Variants in DOCK3 observed in about 807,000 individuals in gnomAD.
DOCK3 encodes the protein dedicator of cytokinesis protein 3.
Under a neutral mutation model 265.6 loss-of-function variants are expected in DOCK3, and 60 were observed. The ratio of observed to expected loss-of-function variants is 0.23; its 90% CI spans 0.18 to 0.28. The LOEUF (loss-of-function observed/expected upper bound fraction) is 0.28. Among genes scored for constraint, DOCK3 ranks in the 10% least tolerant of loss-of-function variants. DOCK3 has a pLI of 1.00. For synonymous variants in DOCK3, 881 were observed against 938.0 expected (o/e 0.94, Z 1.11); for missense variants, 1,981 against 2,594.3 (o/e 0.76, Z 5.14).
chr3:51,229,454 A>C (rs1212715210), intron 18 of DOCK3, 58 bp from the exon 19 acceptor site: 4 of 1,358,990 alleles, frequency 2.9e-6, no homozygotes, highest in Non-Finnish European at 4.0e-6. Context: ...CCGTCTAAAA[A>C]AAAAAAAAAG....
At chr3:50,914,516 T>A (rs1291439935) in intron 4 of DOCK3, among the ~76,000 whole-genome samples, 4 of 152,064 alleles carry the variant, frequency 2.6e-5, no homozygotes, top group African/African-American at 9.7e-5. Context: ...AAAGTTTTTC[T>A]TGTTGTTGAT....
At chr3:50,899,765 G>A (rs62257814) in intron 4 of DOCK3, among the ~76,000 whole-genome samples, 5,821 of 152,152 alleles carry the variant, frequency 0.038, 154 homozygotes, top group Non-Finnish European at 0.06. Context: ...TGAAAATCTG[G>A]GTTGAAAATT....
At position 50,790,601 on chromosome 3, in the gene DOCK3, C is replaced by T. The variant is rs944461796; in HGVS notation, c.121+11843C>T. Among the ~76,000 whole-genome samples the T allele has an allele frequency of 1.5e-4, 22 of 151,240 alleles. 1 individual carries two copies. Among genetic ancestry groups the T allele is most frequent in the African/African-American group, 4.9e-4 (20 of 41,172 alleles). On this transcript the variant is annotated intron_variant, in intron 2 of 52. Coordinates refer to ENST00000266037, the MANE Select transcript of DOCK3 (RefSeq NM_004947.5). ...GCTTAGTTTTGCTAGATACAAAATT[C>T]ATGACTGATAATTGTTTTGTTTAAG...
At chr3:50,937,955 A>C (rs962424996) in intron 5 of DOCK3, among the ~76,000 whole-genome samples, 1 of 152,068 alleles carries the variant, frequency 6.6e-6, no homozygotes, top group African/African-American at 2.4e-5. Flanking sequence ...TTAAAAAAAA[A>C]CTATATGTTG....
At chr3:51,020,434 A>G (rs867128864) in intron 5 of DOCK3, among the ~76,000 whole-genome samples, 5 of 151,780 alleles carry the variant, frequency 3.3e-5, no homozygotes, top group Admixed American at 6.6e-5. Flanking sequence ...GTTTACTCTG[A>G]TGATAGTTCC....
intron 5 of DOCK3, among the ~76,000 whole-genome samples, chr3:51,058,907 A>G (rs917954412): frequency 6.6e-6 from 1 of 152,106 alleles, no homozygotes; most frequent in Non-Finnish European, 1.5e-5. Context: ...AATTACATAT[A>G]TATGTATGTA....
intron 2 of DOCK3, among the ~76,000 whole-genome samples, chr3:50,829,993 T>A (rs761254927): frequency 9.2e-5 from 14 of 152,350 alleles, no homozygotes; most frequent in Non-Finnish European, 1.6e-4. Flanking sequence ...ATGATTATTG[T>A]GTAAATTTTT....
intron 10 of DOCK3, among the ~76,000 whole-genome samples, chr3:51,153,546 G>T (rs977588152): frequency 1.7e-4 from 26 of 152,166 alleles, no homozygotes; most frequent in Non-Finnish European, 2.9e-4. Context: ...AGATGAACCA[G>T]GTACCTTAGT....
chr3:51,033,757 C>T (rs1047437179), intron 5 of DOCK3, among the ~76,000 whole-genome samples: 2 of 152,132 alleles, frequency 1.3e-5, no homozygotes, highest in African/African-American at 4.8e-5. Flanking sequence ...ATTTTTTCCT[C>T]ACAAATTGAT....
At chr3:51,052,118 A>G (rs2081015895) in intron 5 of DOCK3, among the ~76,000 whole-genome samples, 1 of 152,212 alleles carries the variant, frequency 6.6e-6, no homozygotes, top group Non-Finnish European at 1.5e-5. Context: ...AAGGATGAGT[A>G]GTAGGAAGGC....
intron 26 of DOCK3, among the ~76,000 whole-genome samples, chr3:51,279,209 G>A (rs1434416075): frequency 6.6e-6 from 1 of 152,174 alleles, no homozygotes; most frequent in South Asian, 2.1e-4. Flanking sequence ...CCAAGATCAT[G>A]CCATTGCGCT....
At chr3:51,174,188 C>G (rs1449331670) in intron 12 of DOCK3, among the ~76,000 whole-genome samples, 2 of 152,126 alleles carry the variant, frequency 1.3e-5, no homozygotes, top group Non-Finnish European at 2.9e-5. Context: ...GGCATGGTGG[C>G]TCACCCCTGT....
intron 5 of DOCK3, among the ~76,000 whole-genome samples, chr3:50,954,628 C>T (rs572143608): frequency 6.6e-6 from 1 of 152,158 alleles, no homozygotes; most frequent in East Asian, 1.9e-4. Flanking sequence ...TGTATATTTT[C>T]TTTGGAAAAA....
intron 9 of DOCK3, among the ~76,000 whole-genome samples, chr3:51,126,677 T>C (rs1038188743): frequency 6.6e-6 from 1 of 152,218 alleles, no homozygotes; most frequent in Non-Finnish European, 1.5e-5. Flanking sequence ...GATCCTGGGA[T>C]AAGAGCAGAA....
intron 5 of DOCK3, among the ~76,000 whole-genome samples, chr3:50,978,204 G>C (rs1314759469): frequency 6.7e-6 from 1 of 149,266 alleles, no homozygotes; most frequent in Non-Finnish European, 1.5e-5. Context: ...CGTTCCTTTG[G>C]AGGAGGAGAG....
intron 4 of DOCK3, among the ~76,000 whole-genome samples, chr3:50,907,335 C>G (rs2049575156): frequency 6.6e-6 from 1 of 151,984 alleles, no homozygotes. Context: ...GTTGATCTGT[C>G]TAATGTTGAC....
At chr3:51,256,210 C>G (rs1474987600) in intron 22 of DOCK3, among the ~76,000 whole-genome samples, 1 of 152,198 alleles carries the variant, frequency 6.6e-6, no homozygotes, top group Non-Finnish European at 1.5e-5. Context: ...TCTTCTGCAT[C>G]GCTCACGCTG....
At chr3:50,863,645 C>T (rs1364011848) in intron 3 of DOCK3, among the ~76,000 whole-genome samples, 1 of 152,142 alleles carries the variant, frequency 6.6e-6, no homozygotes, top group African/African-American at 2.4e-5. Flanking sequence ...GTCCGTTCAC[C>T]AGTAACTTTG....
At chr3:50,982,353 A>G (rs370554820) in intron 5 of DOCK3, among the ~76,000 whole-genome samples, 34 of 151,946 alleles carry the variant, frequency 2.2e-4, no homozygotes, top group African/African-American at 8.2e-4. Flanking sequence ...ATTTTTGTTT[A>G]TCACCGCAAT....
Sources: allele counts gnomAD v4.1 joint callset (sites outside exome capture counted in the v4.1 genomes callset), GRCh38; gene constraint gnomAD v4.1.1; transcripts MANE v1.5; gene names NCBI Gene and HGNC (gene_info 2026-07-23, HGNC 2026-07-21).